The following MAP7 variants were observed in gnomAD, a reference collection of about 807,000 sequenced individuals.
MAP7 encodes ensconsin.
MAP7 carries 52 observed loss-of-function variants against 94.8 expected under a neutral mutation model. The ratio of observed to expected loss-of-function variants is 0.55; its 90% CI spans 0.44 to 0.69. MAP7 has a LOEUF of 0.69. MAP7 is among the 30% of genes least tolerant of loss of function. MAP7 has a pLI of 0.00. For synonymous variants in MAP7, 350 were observed against 357.0 expected, an observed-to-expected ratio of 0.98 and a Z score of 0.22; for missense variants, 940 against 964.6, an observed-to-expected ratio of 0.97 and a Z score of 0.34.
chr6:136,497,490 A>C (rs1229644205), intron 1 of MAP7, among the ~76,000 whole-genome samples: 2 of 150,006 alleles, frequency 1.3e-5, no homozygotes, highest in East Asian at 3.9e-4. Context: ...TATTCCCTGC[A>C]TTTTTCCTCT....
At chr6:136,511,889 A>G (rs9376192) in intron 1 of MAP7, among the ~76,000 whole-genome samples, 17,532 of 152,208 alleles carry the variant, frequency 0.12, 2,514 homozygotes, top group African/African-American at 0.34. Flanking sequence ...GTTTTATAAT[A>G]AGCTCTGGCA....
At chr6:136,379,013 C>G (rs1199187634) in intron 6 of MAP7, among the ~76,000 whole-genome samples, 4 of 152,166 alleles carry the variant, frequency 2.6e-5, no homozygotes, top group Non-Finnish European at 5.9e-5. Flanking sequence ...GTGCATGCCA[C>G]TGTGACTGGA....
intron 16 of MAP7, among the ~76,000 whole-genome samples, chr6:136,353,242 C>A (rs745408595): frequency 6.6e-6 from 1 of 152,174 alleles, no homozygotes. Flanking sequence ...TTCAGTGCTC[C>A]ATTTTCAGGT....
chr6:136,424,749 T>C (rs1481207468), intron 1 of MAP7, among the ~76,000 whole-genome samples: 1 of 152,194 alleles, frequency 6.6e-6, no homozygotes, highest in Non-Finnish European at 1.5e-5. Flanking sequence ...GAATAACTGG[T>C]CCAACAAATG....
Position 136,362,623 on chromosome 6 carries a change from T to G in MAP7, c.1353A>C (p.Pro451=). 1 of 1,612,900 alleles carries G rather than the reference T, an allele frequency of 6.2e-7. No homozygotes were observed. The highest frequency in any genetic ancestry group is 8.5e-7 in the Non-Finnish European group (1 of 1,179,546). Residue 451 remains proline (P), a synonymous_variant, in exon 11 of 18, where the codon CCA becomes CCC. Coordinates refer to ENST00000354570, the MANE Select transcript of MAP7 (RefSeq NM_003980.6). ...SAPAPAPVPT[P]AMVSAPSSTV... is the part of the protein sequence containing the mutation. The stretch of plus-strand genomic sequence containing the variant: ...TGGATGACGGGGCTGAGACCATGGC[T>G]GGGGTGGGGACCGGGGCTGGAGCTG...
intron 9 of MAP7, 137 bp downstream of exon 9, chr6:136,366,190 T>G: frequency 9.7e-7 from 1 of 1,034,396 alleles, no homozygotes; most frequent in Non-Finnish European, 1.4e-6. Flanking sequence ...AATTTCTCTT[T>G]TTTCTTTCCT....
intron 1 of MAP7, among the ~76,000 whole-genome samples, chr6:136,429,399 C>T (rs1794230078): frequency 6.6e-6 from 1 of 152,204 alleles, no homozygotes; most frequent in African/African-American, 2.4e-5. Flanking sequence ...CAAGCTGTTA[C>T]TGCTTATACT....
In MAP7 at chr6:136,361,129, C is replaced by T; in HGVS notation, c.1577G>A (p.Arg526His). The T allele has an allele frequency of 1.2e-6, 2 of 1,605,606 alleles. No individual in the cohort carries two copies. Among genetic ancestry groups the T allele is most frequent in the Non-Finnish European group, 1.7e-6 (2 of 1,179,924 alleles). The change falls in exon 12 of 18, where the codon CGC (arginine) becomes CAC (histidine). Residue 526 changes from arginine (R) to histidine (H), a missense_variant. Transcript: ENST00000354570. ...CAGCCTGCGCGACTCCTCCTCACGGCGAGTCGTCCTCTCTTCAGCCACACG... is the reference window on the plus strand; with the variant it reads ...CAGCCTGCGCGACTCCTCCTCACGGTGAGTCGTCCTCTCTTCAGCCACACG... ...AQRVAEERTT[R>H]REEESRRLEA...
intron 16 of MAP7, among the ~76,000 whole-genome samples, chr6:136,354,183 A>AAT (rs1348889508): frequency 7.0e-6 from 1 of 143,762 alleles, no homozygotes; most frequent in Non-Finnish European, 1.5e-5. Flanking sequence ...TATATATAAA[A>AAT]ATATATATAT....
intron 3 of MAP7, among the ~76,000 whole-genome samples, chr6:136,402,620 C>T (rs1484642611): frequency 6.6e-6 from 1 of 152,054 alleles, no homozygotes; most frequent in African/African-American, 2.4e-5. Context: ...TAAGAAAGGA[C>T]TTACTGCCGG....
rs749793237 is a variant in MAP7, at chr6:136,361,131, A to C, written c.1575T>G (p.Thr525=). ...GCCTGCGCGACTCCTCCTCACGGCG[A>C]GTCGTCCTCTCTTCAGCCACACGTT... The part of the protein sequence containing the change: ...LAQRVAEERT[T]RREEESRRLE... Residue 525 remains threonine (T), a synonymous_variant, in exon 12 of 18, where the codon ACT becomes ACG. Transcript: ENST00000354570. 2 of 1,605,560 alleles carry C rather than the reference A, an allele frequency of 1.2e-6. No homozygotes were observed. Among genetic ancestry groups the C allele is most frequent in the East Asian group, 4.5e-5 (2 of 44,870 alleles).
chr6:136,453,027 A>G (rs4896210), intron 1 of MAP7, among the ~76,000 whole-genome samples: 129,354 of 152,178 alleles, frequency 0.85, 55,052 homozygotes, highest in Admixed American at 0.89. Context: ...AAGTATCTAC[A>G]AGGTATGCCT....
At chr6:136,448,453 C>T (rs1457616502) in intron 1 of MAP7, among the ~76,000 whole-genome samples, 3 of 149,734 alleles carry the variant, frequency 2.0e-5, no homozygotes, top group African/African-American at 7.4e-5. Context: ...TTGCTCTTAT[C>T]GTCCAGGCTG....
intron 1 of MAP7, among the ~76,000 whole-genome samples, chr6:136,439,155 G>GT (rs1229761598): frequency 6.6e-6 from 1 of 152,176 alleles, no homozygotes. Context: ...TTGAATGTAT[G>GT]TATCTGCCAA....
chr6:136,366,615 A>G (rs1388626275), intron 8 of MAP7, among the ~76,000 whole-genome samples, 176 bp from the exon 9 acceptor site: 1 of 152,222 alleles, frequency 6.6e-6, no homozygotes, highest in Non-Finnish European at 1.5e-5. Context: ...ACTGAACAGT[A>G]TAACTGAATT....
chr6:136,499,674 T>C (rs1473485818), intron 1 of MAP7, among the ~76,000 whole-genome samples: 1 of 152,146 alleles, frequency 6.6e-6, no homozygotes, highest in Non-Finnish European at 1.5e-5. Context: ...CTTCTCTGTG[T>C]TTTGTTTTTA....
At chr6:136,409,110 C>T (rs1582825147) in intron 3 of MAP7, among the ~76,000 whole-genome samples, 1 of 150,794 alleles carries the variant, frequency 6.6e-6, no homozygotes, top group Non-Finnish European at 1.5e-5. Flanking sequence ...AAAATTAATG[C>T]AAAGAAAAAA....
At chr6:136,356,363 G>A (rs1327649111) in intron 16 of MAP7, among the ~76,000 whole-genome samples, 3 of 151,810 alleles carry the variant, frequency 2.0e-5, no homozygotes, top group African/African-American at 7.3e-5. Flanking sequence ...ATGGTGCTTT[G>A]CTATGTTGCC....
At chr6:136,426,568 C>CA (rs200274548) in intron 1 of MAP7, among the ~76,000 whole-genome samples, 1 of 152,326 alleles carries the variant, frequency 6.6e-6, no homozygotes, top group East Asian at 1.9e-4. Context: ...CAAGGCACAG[C>CA]AGTCCCTGGG....
Sources: gnomAD v4.1 joint callset for allele counts (sites outside exome capture counted in the v4.1 genomes callset) on GRCh38, gnomAD v4.1.1 for gene constraint, MANE v1.5 for transcripts, NCBI Gene and HGNC (gene_info 2026-07-23, HGNC 2026-07-21) for gene names.